The following ANKH variants were observed in gnomAD, a reference collection of about 807,000 sequenced individuals.
ANKH encodes ANKH inorganic pyrophosphate transport regulator, also known as mineralization regulator ANKH.
ANKH carries 15 observed loss-of-function variants against 49.0 expected under a neutral mutation model. The observed-to-expected ratio is 0.31, with a 90% CI of 0.20 to 0.47. The LOEUF is 0.47. Among genes scored for constraint, ANKH ranks in the 20% least tolerant of loss-of-function variants. The probability of loss-of-function intolerance (pLI) is 1.00; values close to 1 mark genes in which losing one functional copy is unlikely to be tolerated. For missense variants in ANKH, 429 were observed against 652.0 expected (o/e 0.66, Z 3.72); for synonymous variants, 273 against 260.0 (o/e 1.05, Z -0.48).
intron 2 of ANKH, among the ~76,000 whole-genome samples, chr5:14,759,479 G>A (rs933925490): frequency 6.6e-6 from 1 of 152,130 alleles, no homozygotes; most frequent in Non-Finnish European, 1.5e-5. Context: ...GGCCAGGCAT[G>A]ATGGCTCATG....
intron 1 of ANKH, among the ~76,000 whole-genome samples, chr5:14,789,824 C>A (rs1355022567): frequency 6.6e-6 from 1 of 152,118 alleles, no homozygotes; most frequent in African/African-American, 2.4e-5. Context: ...GATTATCCAG[C>A]CTCAGTCTCC....
At position 14,709,825 on chromosome 5, in the gene ANKH, G is replaced by C. The variant is rs1054095058; in HGVS notation, c.*1372C>G. 1.3e-5 allele frequency: 2 copies of C among 152,618 alleles called. No homozygotes were observed. Among genetic ancestry groups the C allele is most frequent in the Non-Finnish European group, 2.9e-5 (2 of 68,032 alleles). 9.5% of individuals were successfully genotyped at this position (152,618 alleles called of 1,614,324 possible). A position where few individuals can be genotyped will look rare whatever the true frequency, so the allele number is the denominator to read the frequency against. On this transcript the variant is annotated 3_prime_UTR_variant, in exon 12 of 12. Coordinates refer to ENST00000284268, the MANE Select transcript of ANKH (RefSeq NM_054027.6). Reference sequence around the variant, plus strand: ...CACAAGCAATCACCGTATTGTATTAGAGACATTTTATTGAAAATGCGAAAA... The same window carrying C: ...CACAAGCAATCACCGTATTGTATTACAGACATTTTATTGAAAATGCGAAAA...
chr5:14,722,058 A>G (rs1737688747), intron 8 of ANKH, among the ~76,000 whole-genome samples: 1 of 152,102 alleles, frequency 6.6e-6, no homozygotes, highest in African/African-American at 2.4e-5. Flanking sequence ...ATCAGACTAC[A>G]TTTAACAAGT....
At chr5:14,846,237 C>T (rs185297856) in intron 1 of ANKH, among the ~76,000 whole-genome samples, 59 of 152,228 alleles carry the variant, frequency 3.9e-4, no homozygotes, top group African/African-American at 1.2e-3. Context: ...TGTCAAACTG[C>T]GAGGAGGTCA....
intron 1 of ANKH, among the ~76,000 whole-genome samples, chr5:14,786,253 C>T (rs1205826519): frequency 6.6e-6 from 1 of 151,968 alleles, no homozygotes; most frequent in Non-Finnish European, 1.5e-5. Context: ...TAAAGAAAAC[C>T]ACAGCATTTT....
chr5:14,756,157 C>T (rs773637728), intron 3 of ANKH, among the ~76,000 whole-genome samples: 3 of 152,152 alleles, frequency 2.0e-5, no homozygotes, highest in Admixed American at 6.5e-5. Context: ...AAGGACTGCA[C>T]GCAGGTATTT....
Position 14,819,446 on chromosome 5 carries a change from C to T in ANKH, c.97-50255G>A, listed in dbSNP as rs116999569. On this transcript the variant is annotated intron_variant, in intron 1 of 11. Transcript: ENST00000284268. ...GGGCTAACATTTCTACAAGGAGGTC[C>T]TCTCTGCAGTAAAAGTGGTTCGATA... Among the ~76,000 whole-genome samples, 128 of 152,332 alleles carry T rather than the reference C, an allele frequency of 8.4e-4. 2 individuals carry two copies. The East Asian group carries it at 0.018, about 21-fold the overall frequency.
At chr5:14,809,590 C>G (rs946137794) in intron 1 of ANKH, among the ~76,000 whole-genome samples, 22 of 152,108 alleles carry the variant, frequency 1.4e-4, no homozygotes, top group Non-Finnish European at 2.6e-4. Context: ...ACAGAAAGCT[C>G]TGAGTTTTTT....
At position 14,788,879 on chromosome 5, in the gene ANKH, A is replaced by T. The variant is rs10067125; in HGVS notation, c.97-19688T>A. 3.2e-3 allele frequency among the ~76,000 whole-genome samples: 483 copies of T among 152,334 alleles called. 2 individuals are homozygous for T. The highest frequency in any genetic ancestry group is 0.011 in the African/African-American group (468 of 41,578). On this transcript the variant is annotated intron_variant, in intron 1 of 11. Transcript: ENST00000284268. ...AGCAGCTGTGCAAAAAGGGGGAAAG[A>T]AAAAGGTGCTTCACATGCCTTAGTG...
intron 1 of ANKH, among the ~76,000 whole-genome samples, chr5:14,804,134 G>A (rs892324247): frequency 6.6e-6 from 1 of 152,138 alleles, no homozygotes; most frequent in African/African-American, 2.4e-5. Context: ...GACCTCAGGT[G>A]ATCCACCCGC....
intron 1 of ANKH, among the ~76,000 whole-genome samples, chr5:14,776,204 A>C (rs973447587): frequency 1.3e-5 from 2 of 152,220 alleles, no homozygotes; most frequent in Non-Finnish European, 2.9e-5. Flanking sequence ...CAAGTGCTGC[A>C]GCAATTTTCT....
intron 1 of ANKH, among the ~76,000 whole-genome samples, chr5:14,802,523 G>A (rs1740595010): frequency 6.6e-6 from 1 of 152,044 alleles, no homozygotes. Flanking sequence ...TGAAGATGCG[G>A]CTCTGACCCT....
intron 2 of ANKH, among the ~76,000 whole-genome samples, chr5:14,765,865 A>C (rs948953687): frequency 2.0e-5 from 3 of 152,210 alleles, no homozygotes; most frequent in African/African-American, 7.2e-5. Flanking sequence ...CAGAGCTGGC[A>C]ATGTCCACAT....
intron 2 of ANKH, among the ~76,000 whole-genome samples, chr5:14,765,259 A>C (rs1739222541): frequency 6.6e-6 from 1 of 152,264 alleles, no homozygotes; most frequent in Admixed American, 6.5e-5. Context: ...AACAAGGGCC[A>C]AGAAATACTC....
chr5:14,781,855 C>A (rs1739816361), intron 1 of ANKH, among the ~76,000 whole-genome samples: 1 of 152,184 alleles, frequency 6.6e-6, no homozygotes, highest in Non-Finnish European at 1.5e-5. Flanking sequence ...AGAGATGGTT[C>A]TCAAATGATA....
intron 1 of ANKH, among the ~76,000 whole-genome samples, chr5:14,785,101 C>A (rs942093430): frequency 6.6e-6 from 1 of 152,218 alleles, no homozygotes; most frequent in Non-Finnish European, 1.5e-5. Flanking sequence ...AGCTCTCCCC[C>A]AAAATATCCA....
intron 8 of ANKH, among the ~76,000 whole-genome samples, chr5:14,730,149 C>T (rs1336424872): frequency 6.6e-6 from 1 of 152,058 alleles, no homozygotes; most frequent in Non-Finnish European, 1.5e-5. Flanking sequence ...AAGGAGGGGA[C>T]CTGACCAGGC....
intron 1 of ANKH, among the ~76,000 whole-genome samples, chr5:14,796,204 T>C (rs1237009726): frequency 6.6e-6 from 1 of 151,708 alleles, no homozygotes; most frequent in Non-Finnish European, 1.5e-5. Flanking sequence ...ATTTATTCCA[T>C]TTTAAGCACT....
At chr5:14,739,351 A>G (rs1738282281) in intron 8 of ANKH, among the ~76,000 whole-genome samples, 1 of 152,164 alleles carries the variant, frequency 6.6e-6, no homozygotes, top group Non-Finnish European at 1.5e-5. Flanking sequence ...TGGGAAGCAG[A>G]GGTTGCAGTG....
Sources: gnomAD v4.1 joint callset for allele counts (sites outside exome capture counted in the v4.1 genomes callset) on GRCh38, gnomAD v4.1.1 for gene constraint, MANE v1.5 for transcripts, NCBI Gene and HGNC (gene_info 2026-07-23, HGNC 2026-07-21) for gene names.